The following PSMA8 variants were observed in gnomAD, a reference collection of about 807,000 sequenced individuals.
The protein encoded by PSMA8 is proteasome subunit alpha-type 8.
In PSMA8, 18 loss-of-function variants were observed where a neutral mutation model predicts 32.4. That is an observed-to-expected ratio of 0.56 (90% CI 0.38 to 0.82). The LOEUF (loss-of-function observed/expected upper bound fraction) is 0.82. Among genes scored for constraint, PSMA8 ranks in the 40% least tolerant of loss-of-function variants. The pLI, the probability that PSMA8 is intolerant of heterozygous loss-of-function variation, is 0.00. For missense variants in PSMA8, 298 were observed against 300.7 expected, an observed-to-expected ratio of 0.99 and a Z score of 0.07; for synonymous variants, 104 against 98.1, an observed-to-expected ratio of 1.06 and a Z score of -0.36.
In PSMA8 at chr18:26,140,320, G is replaced by T. The variant is rs2054945201; in HGVS notation, c.103-4239G>T. ...ACCTGAGTCCACAGGAGCAGACCTG[G>T]AGCTTGGATCCATGGGGTCCATGGA... On this transcript the variant is annotated intron_variant, in intron 1 of 6. Coordinates refer to ENST00000415576, the MANE Select transcript of PSMA8 (RefSeq NM_001025096.2). Among the ~76,000 whole-genome samples, 3 of 152,174 alleles carry T rather than the reference G, an allele frequency of 2.0e-5. No homozygotes were observed. The South Asian group carries it at 6.2e-4, about 32-fold the overall frequency.
chr18:26,152,541 T>G (rs538732129), intron 3 of PSMA8, among the ~76,000 whole-genome samples: 1 of 152,224 alleles, frequency 6.6e-6, no homozygotes, highest in South Asian at 2.1e-4. Flanking sequence ...CCCAGGTTGG[T>G]CTTGAACTCC....
rs781752722 is a variant in PSMA8, at chr18:26,151,924, C to T, written c.296C>T (p.Thr99Met). The T allele has an allele frequency of 3.7e-6, 6 of 1,612,148 alleles. No homozygotes were observed. Among genetic ancestry groups the T allele is most frequent in the South Asian group, 3.3e-5 (3 of 90,808 alleles). Residue 99 changes from threonine to methionine, a missense_variant, in exon 3 of 7, where the codon ACG becomes ATG. By Grantham distance (81) the Thr-to-Met change is moderately conservative (BLOSUM62 -1). Coordinates refer to ENST00000415576, the MANE Select transcript of PSMA8 (RefSeq NM_001025096.2). ...ARVECQSHKLTVEDPVTVEYI... is the reference protein window; with the variant it reads ...ARVECQSHKLMVEDPVTVEYI... ...GTGGAGTGCCAGAGCCATAAGCTTA[C>T]GGTTGAGGACCCAGTCACTGTAGAA...
At chr18:26,157,281 G>C (rs987514916) in intron 3 of PSMA8, among the ~76,000 whole-genome samples, 2 of 151,692 alleles carry the variant, frequency 1.3e-5, no homozygotes, top group African/African-American at 2.4e-5. Context: ...GACCGGGCGC[G>C]GTGGCTCATA....
chr18:26,148,883 A>G (rs938819640), intron 2 of PSMA8, among the ~76,000 whole-genome samples: 7 of 152,184 alleles, frequency 4.6e-5, no homozygotes, highest in African/African-American at 1.7e-4. Context: ...GTCTCACTCT[A>G]TCACTCAGCC....
chr18:26,190,895 T>C (rs968650332), intron 6 of PSMA8, among the ~76,000 whole-genome samples: 4 of 152,250 alleles, frequency 2.6e-5, no homozygotes, highest in African/African-American at 9.6e-5. Flanking sequence ...GACTCCTTAA[T>C]AGCAGGTAAG....
chr18:26,136,620 C>T (rs940019394), intron 1 of PSMA8, among the ~76,000 whole-genome samples: 2 of 152,190 alleles, frequency 1.3e-5, no homozygotes, highest in Non-Finnish European at 2.9e-5. Flanking sequence ...CTCCAGTCAT[C>T]TTGGATCTTT....
Position 26,164,617 on chromosome 18 carries a change from AAATGTT to A in PSMA8, c.477+6384_477+6389del, listed in dbSNP as rs560755044. Among the ~76,000 whole-genome samples the A allele has an allele frequency of 2.8e-4, 43 of 152,342 alleles. No homozygotes were observed. The South Asian group carries it at 8.1e-3, about 29-fold the overall frequency. The stretch of plus-strand genomic sequence containing the variant: ...TAAAGCATTCTACAGGATATTTCAA[AAATGTT>A]AATGTTAATGAAAAACAAAATAAAG... On this transcript the variant is annotated intron_variant, in intron 4 of 6. Coordinates refer to ENST00000415576, the MANE Select transcript of PSMA8 (RefSeq NM_001025096.2).
intron 3 of PSMA8, among the ~76,000 whole-genome samples, chr18:26,156,648 T>C (rs936655207): frequency 5.4e-5 from 8 of 148,562 alleles, no homozygotes; most frequent in African/African-American, 2.0e-4. Flanking sequence ...TGTGTGTGTA[T>C]ATATATTTTA....
chr18:26,143,424 C>CA (rs1321447394), intron 1 of PSMA8, among the ~76,000 whole-genome samples: 1 of 152,032 alleles, frequency 6.6e-6, no homozygotes, highest in Non-Finnish European at 1.5e-5. Context: ...AGGCTGCAGC[C>CA]ACCTGTGATC....
At position 26,144,556 on chromosome 18, in the gene PSMA8, C is replaced by CATTAA. The variant is rs1292674137; in HGVS notation, c.103-2_103-1insTTAAA. On this transcript the variant is annotated splice_region_variant and splice_polypyrimidine_tract_variant and intron_variant, in intron 1 of 6. Transcript: ENST00000415576. The stretch of plus-strand genomic sequence containing the variant: ...ATATATATGTATTTTAATGACTTGA[C>CATTAA]AGGTCGGAATTCGAGGTACCAATAT... 1.2e-6 allele frequency: 2 copies of CATTAA among 1,610,434 alleles called. No individual in the cohort carries two copies. The highest frequency in any genetic ancestry group is 3.3e-5 in the Admixed American group (2 of 59,914).
chr18:26,148,889 C>T (rs2055024312), intron 2 of PSMA8, among the ~76,000 whole-genome samples: 1 of 152,222 alleles, frequency 6.6e-6, no homozygotes, highest in African/African-American at 2.4e-5. Context: ...CTCTATCACT[C>T]AGCCTGAAGC....
intron 4 of PSMA8, among the ~76,000 whole-genome samples, chr18:26,172,210 C>T (rs1305561644): frequency 1.3e-5 from 2 of 152,120 alleles, no homozygotes; most frequent in Non-Finnish European, 2.9e-5. Flanking sequence ...AAGTATAACA[C>T]AAACAAAAGC....
chr18:26,188,271 T>C (rs950971328), intron 6 of PSMA8, among the ~76,000 whole-genome samples: 2 of 149,046 alleles, frequency 1.3e-5, no homozygotes, highest in African/African-American at 5.0e-5. Context: ...TCAAAACATA[T>C]GGAATACAGT....
intron 1 of PSMA8, among the ~76,000 whole-genome samples, chr18:26,136,607 C>T (rs749758510): frequency 6.6e-6 from 1 of 152,188 alleles, no homozygotes; most frequent in Non-Finnish European, 1.5e-5. Context: ...CTTCTCTGAT[C>T]CACTCCAGTC....
intron 1 of PSMA8, among the ~76,000 whole-genome samples, chr18:26,135,900 A>G (rs2054907822): frequency 6.6e-6 from 1 of 152,334 alleles, no homozygotes; most frequent in East Asian, 1.9e-4. Flanking sequence ...TATAATTTGC[A>G]TGTTTGCATG....
At chr18:26,178,028 A>G (rs2055277519) in intron 4 of PSMA8, among the ~76,000 whole-genome samples, 1 of 152,176 alleles carries the variant, frequency 6.6e-6, no homozygotes, top group Admixed American at 6.5e-5. Flanking sequence ...CACCTGGGCA[A>G]CATAGCAAGA....
intron 1 of PSMA8, among the ~76,000 whole-genome samples, chr18:26,134,626 T>C (rs1427167503): frequency 1.3e-5 from 2 of 152,068 alleles, no homozygotes; most frequent in Admixed American, 6.6e-5. Flanking sequence ...GATGAAGAAA[T>C]GATTAAAAAC....
intron 4 of PSMA8, among the ~76,000 whole-genome samples, chr18:26,161,683 C>T (rs1204004053): frequency 6.6e-6 from 1 of 152,114 alleles, no homozygotes; most frequent in Non-Finnish European, 1.5e-5. Context: ...GGCTGTAGTG[C>T]ACTATGATCA....
intron 4 of PSMA8, among the ~76,000 whole-genome samples, chr18:26,158,883 G>A (rs531573137): frequency 1.1e-4 from 17 of 152,202 alleles, no homozygotes; most frequent in African/African-American, 3.1e-4. Flanking sequence ...TGAGACAGGG[G>A]GATTGCTTGA....
Sources: gnomAD v4.1 joint callset for allele counts (sites outside exome capture counted in the v4.1 genomes callset) on GRCh38, gnomAD v4.1.1 for gene constraint, MANE v1.5 for transcripts, NCBI Gene and HGNC (gene_info 2026-07-23, HGNC 2026-07-21) for gene names.